Variants in PCDHGA1 observed in about 807,000 individuals in gnomAD.
The protein encoded by PCDHGA1 is protocadherin gamma subfamily A, 1.
A neutral mutation model predicts 58.0 loss-of-function variants in PCDHGA1; 32 were observed. That is an observed-to-expected ratio of 0.55 (90% CI 0.42 to 0.74). The LOEUF (loss-of-function observed/expected upper bound fraction) is 0.74. PCDHGA1 is among the 30% of genes least tolerant of loss of function. The pLI is 0.00. For synonymous variants in PCDHGA1, 498 were observed against 501.1 expected (o/e 0.99, Z 0.08); for missense variants, 1,205 against 1,182.3 (o/e 1.02, Z -0.28).
rs765843212 is a variant in PCDHGA1, at chr5:141,333,093, A to G, written c.2409A>G (p.Glu803=). 21 of 1,614,046 alleles carry G rather than the reference A, an allele frequency of 1.3e-5. No individual in the cohort carries two copies. Among genetic ancestry groups the G allele is most frequent in the East Asian group, 4.5e-5 (2 of 44,882 alleles). ...APQSLLEDKK[E]PFSQQAPPNT... ...AGTCTTTACTTGAAGACAAAAAGGAACCATTTTCTCAGGTAAACTTTTGTG... is the reference window on the plus strand; with the variant it reads ...AGTCTTTACTTGAAGACAAAAAGGAGCCATTTTCTCAGGTAAACTTTTGTG... Residue 803 remains glutamate (E), a synonymous_variant, in exon 1 of 4, where the codon GAA becomes GAG. Coordinates refer to ENST00000517417, the MANE Select transcript of PCDHGA1 (RefSeq NM_018912.3).
chr5:141,383,838 C>T, intron 1 of PCDHGA1: 1 of 1,613,892 alleles, frequency 6.2e-7, no homozygotes, highest in East Asian at 2.2e-5. Flanking sequence ...AAGAAACTGC[C>T]TTCTATGAAA....
chr5:141,369,377 GT>G (rs1049592188), intron 1 of PCDHGA1, among the ~76,000 whole-genome samples: 53 of 152,270 alleles, frequency 3.5e-4, no homozygotes, highest in African/African-American at 1.3e-3. Flanking sequence ...CTTTGTAAAA[GT>G]TTTTCATTTG....
intron 1 of PCDHGA1, among the ~76,000 whole-genome samples, chr5:141,405,891 A>G (rs1029768115): frequency 1.3e-5 from 2 of 152,164 alleles, no homozygotes; most frequent in African/African-American, 4.8e-5. Flanking sequence ...TTGCTCCAAC[A>G]CTGAAAGGAG....
intron 1 of PCDHGA1, among the ~76,000 whole-genome samples, chr5:141,401,018 G>C (rs2094104038): frequency 6.6e-6 from 1 of 152,108 alleles, no homozygotes; most frequent in Admixed American, 6.5e-5. Flanking sequence ...ATGGATTTAT[G>C]ATTTTTTGAA....
chr5:141,339,725 C>T (rs1472061539), intron 1 of PCDHGA1: 4 of 1,614,026 alleles, frequency 2.5e-6, no homozygotes, highest in Non-Finnish European at 3.4e-6. Flanking sequence ...CATAAGCATT[C>T]CGGAGAATAC....
intron 1 of PCDHGA1, chr5:141,370,668 C>CGA (rs1767111229): frequency 5.0e-6 from 8 of 1,613,644 alleles, no homozygotes; most frequent in Non-Finnish European, 5.9e-6. Context: ...CCGTATAGAC[C>CGA]GAGAGGAGAT....
intron 1 of PCDHGA1, chr5:141,390,450 T>A: frequency 1.2e-6 from 1 of 822,586 alleles, no homozygotes; most frequent in Non-Finnish European, 1.9e-6. Context: ...AAAGGAGGAG[T>A]AAAGTAGGAG....
At chr5:141,364,201 G>C (rs1199932362) in intron 1 of PCDHGA1, 1 of 1,146,160 alleles carries the variant, frequency 8.7e-7, no homozygotes, top group Admixed American at 3.2e-5. Context: ...ACACAGACCA[G>C]ACAAGCTCCT....
Position 141,431,534 on chromosome 5 carries a change from A to G in PCDHGA1, c.2422-63273A>G, listed in dbSNP as rs1331176313. Reference sequence around the variant, plus strand: ...CGTTCCGGAGAATCTGGCCTTGGGCACGCAGCTGCTTGTAGTCAACGCTAC... The same window carrying G: ...CGTTCCGGAGAATCTGGCCTTGGGCGCGCAGCTGCTTGTAGTCAACGCTAC... On this transcript the variant is annotated intron_variant, in intron 1 of 3. Coordinates refer to ENST00000517417, the MANE Select transcript of PCDHGA1 (RefSeq NM_018912.3). This position sits in a 1 kb window ranked among gnomAD's most constrained non-coding sequence, Gnocchi z 4.8. The G allele has an allele frequency of 1.2e-6, 2 of 1,614,110 alleles. No individual in the cohort carries two copies. The highest frequency in any genetic ancestry group is 8.5e-7 in the Non-Finnish European group (1 of 1,180,042).
At chr5:141,415,504 C>A in intron 1 of PCDHGA1, 2 of 1,614,216 alleles carry the variant, frequency 1.2e-6, no homozygotes, top group Non-Finnish European at 1.7e-6. Context: ...CTTCCCCCAG[C>A]CCAATTATGC....
chr5:141,379,540 G>C (rs1322397241), intron 1 of PCDHGA1: 2 of 152,194 alleles, frequency 1.3e-5, no homozygotes, highest in Non-Finnish European at 2.9e-5. Context: ...TATAGGGAAA[G>C]CTCACTAACT....
chr5:141,355,386 C>A (rs1561508672), intron 1 of PCDHGA1: 1 of 1,614,032 alleles, frequency 6.2e-7, no homozygotes. Context: ...TGGCGGAGCG[C>A]GGAGTCCGCA....
intron 1 of PCDHGA1, among the ~76,000 whole-genome samples, chr5:141,368,185 A>G (rs77366155): frequency 0.033 from 4,989 of 152,312 alleles, 94 homozygotes; most frequent in African/African-American, 0.059. Flanking sequence ...ATGACTAAAT[A>G]AGGGGAAAAG....
At position 141,488,726 on chromosome 5, in the gene PCDHGA1, G is replaced by A. The variant is rs1562126303; in HGVS notation, c.2422-6081G>A. 2.0e-5 allele frequency among the ~76,000 whole-genome samples: 3 copies of A among 152,194 alleles called. No homozygotes were observed. The South Asian group carries it at 6.2e-4, about 32-fold the overall frequency. ...TGCTGGTTCAAGCAAAGTGGTGGAA[G>A]CTTCTGAAGTCATGCAGGAAGTTGC... On this transcript the variant is annotated intron_variant, in intron 1 of 3. Transcript: ENST00000517417.
chr5:141,393,630 A>T (rs1298038670), intron 1 of PCDHGA1: 7 of 1,613,976 alleles, frequency 4.3e-6, no homozygotes, highest in Non-Finnish European at 5.9e-6. Flanking sequence ...GGATGAGGGA[A>T]TCAACGGAAA....
intron 1 of PCDHGA1, among the ~76,000 whole-genome samples, chr5:141,338,483 A>C (rs1270788658): frequency 4.6e-5 from 7 of 152,232 alleles, no homozygotes; most frequent in Non-Finnish European, 8.8e-5. Context: ...GGTGGCATTG[A>C]TTAATGCCTT....
intron 1 of PCDHGA1, chr5:141,378,221 G>C (rs1378453601): frequency 6.6e-6 from 1 of 152,182 alleles, no homozygotes; most frequent in Non-Finnish European, 1.5e-5. Context: ...CTGTGTGCCT[G>C]ATAGTATTTA....
chr5:141,382,940 T>A, intron 1 of PCDHGA1: 1 of 1,595,270 alleles, frequency 6.3e-7, no homozygotes, highest in Non-Finnish European at 8.6e-7. Flanking sequence ...AGAGGATTCT[T>A]CCTGCTCTCC....
At chr5:141,369,431 C>T (rs935831476) in intron 1 of PCDHGA1, among the ~76,000 whole-genome samples, 1 of 152,124 alleles carries the variant, frequency 6.6e-6, no homozygotes, top group Non-Finnish European at 1.5e-5. Flanking sequence ...ATTTGGGACG[C>T]TGAGGTGGGA....
Sources: gnomAD v4.1 joint callset for allele counts (sites outside exome capture counted in the v4.1 genomes callset) on GRCh38, gnomAD v4.1.1 for gene constraint, Gnocchi (gnomAD v3.1) non-coding constraint, MANE v1.5 for transcripts, NCBI Gene and HGNC (gene_info 2026-07-23, HGNC 2026-07-21) for gene names.